The following HERPUD2 variants were observed in gnomAD, a reference collection of about 807,000 sequenced individuals.
HERPUD2 encodes the protein homocysteine-responsive endoplasmic reticulum-resident ubiquitin-like domain member 2 protein.
Under a neutral mutation model 49.9 loss-of-function variants are expected in HERPUD2, and 13 were observed. The observed-to-expected ratio is 0.26, with a 90% CI of 0.17 to 0.41. HERPUD2 has a LOEUF of 0.41. HERPUD2 is among the 10% of genes least tolerant of loss of function. The probability of loss-of-function intolerance (pLI) is 1.00; values close to 1 mark genes in which losing one functional copy is unlikely to be tolerated. For missense variants in HERPUD2, 449 were observed against 492.2 expected, an observed-to-expected ratio of 0.91 and a Z score of 0.83; for synonymous variants, 172 against 171.4, an observed-to-expected ratio of 1.00 and a Z score of -0.03.
chr7:35,655,158 C>A (rs1785249770), intron 5 of HERPUD2, among the ~76,000 whole-genome samples: 1 of 152,040 alleles, frequency 6.6e-6, no homozygotes, highest in African/African-American at 2.4e-5. Context: ...CAGCCTTGAC[C>A]AATCTTATAA....
chr7:35,640,540 C>A (rs1784953171), intron 5 of HERPUD2, among the ~76,000 whole-genome samples: 1 of 152,140 alleles, frequency 6.6e-6, no homozygotes, highest in Non-Finnish European at 1.5e-5. Context: ...ATAACCTCCC[C>A]AAGTATTCTT....
Position 35,657,048 on chromosome 7 carries a change from G to A in HERPUD2, c.494+10386C>T, listed in dbSNP as rs112461762. On this transcript the variant is annotated intron_variant, in intron 5 of 8. Coordinates refer to ENST00000311350, the MANE Select transcript of HERPUD2 (RefSeq NM_022373.5). ...TAAACTAAAAAGCATAGCAAATGAA[G>A]CAATCAACAGAGTGAAGAGGCAACT... Among the ~76,000 whole-genome samples, 591 of 150,808 alleles carry A rather than the reference G, an allele frequency of 3.9e-3. 8 individuals are homozygous for A. The highest frequency in any genetic ancestry group is 0.014 in the African/African-American group (568 of 41,246).
At chr7:35,692,603 C>T (rs1257262750) in intron 2 of HERPUD2, among the ~76,000 whole-genome samples, 1 of 152,198 alleles carries the variant, frequency 6.6e-6, no homozygotes, top group Non-Finnish European at 1.5e-5. Context: ...TGTGAATAAA[C>T]AGGGGCTCTA....
intron 7 of HERPUD2, 29 bp downstream of exon 7, chr7:35,635,106 A>C: frequency 4.5e-6 from 7 of 1,562,776 alleles, no homozygotes; most frequent in Non-Finnish European, 6.2e-6. Flanking sequence ...CAGAAATTAA[A>C]CCACAAAAAG....
intron 6 of HERPUD2, among the ~76,000 whole-genome samples, chr7:35,637,160 A>AAGATAGATAGAT (rs201529201): frequency 1.1e-3 from 158 of 144,182 alleles, no homozygotes; most frequent in East Asian, 3.7e-3. Context: ...GAAAGAAAGA[A>AAGATAGATAGAT]AGATAGATAG....
chr7:35,645,067 G>C (rs1785029329), intron 5 of HERPUD2, among the ~76,000 whole-genome samples: 1 of 152,148 alleles, frequency 6.6e-6, no homozygotes, highest in Admixed American at 6.5e-5. Flanking sequence ...GAAACAGAAG[G>C]GGAACTAGAT....
chr7:35,640,647 A>G (rs1784954651), intron 5 of HERPUD2, among the ~76,000 whole-genome samples: 1 of 152,212 alleles, frequency 6.6e-6, no homozygotes, highest in South Asian at 2.1e-4. Flanking sequence ...AGTTGTGTTC[A>G]TTACCCTCAG....
chr7:35,680,944 G>A (rs1286532772), intron 2 of HERPUD2, among the ~76,000 whole-genome samples: 2 of 134,274 alleles, frequency 1.5e-5, no homozygotes, highest in African/African-American at 5.6e-5. Context: ...TGCTAAATGA[G>A]GTGTTATGAG....
intron 5 of HERPUD2, among the ~76,000 whole-genome samples, chr7:35,655,800 G>A (rs1583549379): frequency 1.3e-5 from 2 of 152,172 alleles, no homozygotes; most frequent in Admixed American, 1.3e-4. Context: ...GATTTGGAAA[G>A]TTACAGGATA....
At chr7:35,671,423 G>C (rs1447985440) in intron 3 of HERPUD2, among the ~76,000 whole-genome samples, 4 of 151,986 alleles carry the variant, frequency 2.6e-5, no homozygotes, top group African/African-American at 7.2e-5. Flanking sequence ...CAGAAGGTAC[G>C]CCTGGCAAAG....
chr7:35,694,105 G>T, intron 2 of HERPUD2, 79 bp downstream of exon 2: 2 of 1,467,614 alleles, frequency 1.4e-6, no homozygotes, highest in Admixed American at 1.7e-5. Flanking sequence ...AGACTGGAGG[G>T]GAGAAGCAGG....
intron 5 of HERPUD2, among the ~76,000 whole-genome samples, chr7:35,652,134 T>C (rs1258356830): frequency 6.6e-6 from 1 of 152,220 alleles, no homozygotes; most frequent in African/African-American, 2.4e-5. Context: ...TGGAATGCCA[T>C]ACTGAAACTA....
intron 5 of HERPUD2, among the ~76,000 whole-genome samples, chr7:35,648,613 G>A (rs751467656): frequency 1.1e-4 from 17 of 152,162 alleles, no homozygotes; most frequent in Non-Finnish European, 7.3e-5. Flanking sequence ...GATTGCTTTG[G>A]CCAATGTAGT....
At chr7:35,692,995 G>A (rs1187748212) in intron 2 of HERPUD2, among the ~76,000 whole-genome samples, 2 of 152,170 alleles carry the variant, frequency 1.3e-5, no homozygotes, top group Admixed American at 1.3e-4. Context: ...AAAAGTTTTA[G>A]TAATTAAACA....
At chr7:35,685,650 A>C (rs1182993305) in intron 2 of HERPUD2, among the ~76,000 whole-genome samples, 1 of 151,952 alleles carries the variant, frequency 6.6e-6, no homozygotes, top group Non-Finnish European at 1.5e-5. Flanking sequence ...CCATTAAAAA[A>C]CTGCCTCTTC....
chr7:35,686,490 A>G (rs1438842109), intron 2 of HERPUD2, among the ~76,000 whole-genome samples: 6 of 144,890 alleles, frequency 4.1e-5, no homozygotes, highest in African/African-American at 1.0e-4. Flanking sequence ...CCGGCCTAAC[A>G]TTATCTTTTA....
chr7:35,639,500 C>A (rs1784931274), intron 5 of HERPUD2, among the ~76,000 whole-genome samples: 2 of 152,306 alleles, frequency 1.3e-5, no homozygotes, highest in Admixed American at 6.5e-5. Context: ...CCCATTCCAA[C>A]ACCGAACATG....
chr7:35,636,305 A>G (rs1784870784), intron 6 of HERPUD2, among the ~76,000 whole-genome samples: 1 of 152,212 alleles, frequency 6.6e-6, no homozygotes, highest in Non-Finnish European at 1.5e-5. Flanking sequence ...AGAGCACAAG[A>G]AAGTTAAATA....
intron 2 of HERPUD2, among the ~76,000 whole-genome samples, chr7:35,691,563 G>A (rs550216671): frequency 1.2e-4 from 19 of 152,264 alleles, no homozygotes; most frequent in African/African-American, 3.9e-4. Flanking sequence ...ACAAAGCACT[G>A]GAGCCCTACT....
Sources: gnomAD v4.1 joint callset for allele counts (sites outside exome capture counted in the v4.1 genomes callset) on GRCh38, gnomAD v4.1.1 for gene constraint, MANE v1.5 for transcripts, NCBI Gene and HGNC (gene_info 2026-07-23, HGNC 2026-07-21) for gene names.